Variants in TMEM114 observed in about 807,000 individuals in gnomAD.
The protein encoded by TMEM114 is transmembrane protein 114.
In TMEM114, 6 loss-of-function variants were observed where a neutral mutation model predicts 6.2. That is an observed-to-expected ratio of 0.97 (90% CI 0.53 to 1.91). TMEM114 has a LOEUF of 1.91. Ranked by LOEUF, TMEM114 falls within the 40% of genes most tolerant of loss-of-function variation. The probability of loss-of-function intolerance (pLI) is 0.01; values close to 1 mark genes in which losing one functional copy is unlikely to be tolerated. For synonymous variants in TMEM114, 104 were observed against 73.0 expected, an observed-to-expected ratio of 1.42 and a Z score of -2.16; for missense variants, 218 against 158.3, an observed-to-expected ratio of 1.38 and a Z score of -2.02.
At chr16:8,536,804 C>T (rs1254289429), downstream of TMEM114, among the ~76,000 whole-genome samples, 4 of 152,108 alleles carry the variant, frequency 2.6e-5, no homozygotes, top group Admixed American at 1.3e-4. Context: ...TAATTATCCA[C>T]CCTTAGTCAG....
intron 2 of TMEM114, among the ~76,000 whole-genome samples, chr16:8,584,922 C>CAAAAAAAAAAAAAAAA (rs905674847): frequency 2.0e-5 from 1 of 49,202 alleles, no homozygotes; most frequent in African/African-American, 7.0e-5. Context: ...AACGCCGTCT[C>CAAAAAAAAAAAAAAAA]AAAAAAAAAA....
intron 2 of TMEM114, among the ~76,000 whole-genome samples, chr16:8,578,893 C>T (rs1410172406): frequency 1.3e-5 from 2 of 152,082 alleles, no homozygotes; most frequent in African/African-American, 2.4e-5. Context: ...GCAGGAGAAT[C>T]GCTTGAACCT....
At chr16:8,555,770 G>T (rs1192466397) in intron 2 of TMEM114, among the ~76,000 whole-genome samples, 1 of 152,186 alleles carries the variant, frequency 6.6e-6, no homozygotes, top group African/African-American at 2.4e-5. Flanking sequence ...GCAAAGGGGG[G>T]ATGCAGTTGG....
At chr16:8,541,896 C>T (rs755370318) in intron 2 of TMEM114, among the ~76,000 whole-genome samples, 48 of 152,144 alleles carry the variant, frequency 3.2e-4, no homozygotes, top group Non-Finnish European at 6.3e-4. Flanking sequence ...AAAGACGTAG[C>T]ACAGGCTCCA....
downstream of TMEM114, among the ~76,000 whole-genome samples, chr16:8,534,374 A>C (rs541333765): frequency 6.6e-6 from 1 of 150,780 alleles, no homozygotes; most frequent in Admixed American, 6.6e-5. Flanking sequence ...GGAATTCTTC[A>C]TGTCCTTTAT....
downstream of TMEM114, among the ~76,000 whole-genome samples, chr16:8,565,353 G>C (rs370512004): frequency 2.0e-5 from 3 of 152,180 alleles, no homozygotes; most frequent in East Asian, 3.8e-4. Flanking sequence ...GGTGGCAAGT[G>C]AATAAATGAA....
At chr16:8,568,459 T>C (rs945514619), downstream of TMEM114, among the ~76,000 whole-genome samples, 20 of 151,870 alleles carry the variant, frequency 1.3e-4, no homozygotes, top group African/African-American at 4.6e-4. Context: ...GTGGTGATGA[T>C]GTCATGATGT....
intron 2 of TMEM114, among the ~76,000 whole-genome samples, chr16:8,542,096 G>C (rs985099568): frequency 2.0e-5 from 3 of 152,090 alleles, no homozygotes; most frequent in Non-Finnish European, 4.4e-5. Context: ...GGCTGGAGAA[G>C]TCATCCCCCA....
chr16:8,528,016 C>G, the TMEM114 span, among the ~76,000 whole-genome samples: 4 of 152,106 alleles, frequency 2.6e-5, no homozygotes, highest in African/African-American at 9.7e-5. Flanking sequence ...CAACTTTATT[C>G]TCCCGCCTCA....
chr16:8,553,115 T>A (rs1373780826), intron 2 of TMEM114, among the ~76,000 whole-genome samples: 1 of 152,168 alleles, frequency 6.6e-6, no homozygotes, highest in East Asian at 1.9e-4. Context: ...GAGGCCAGGA[T>A]GGAGATGACA....
rs949964282 is a variant in TMEM114, at chr16:8,589,833, C to A, written c.6G>T (p.Arg2=). ...CGCCGGCCAGCCCGCCCAGGTGCAC[C>A]CGCATCGCCGAGCCCAGGACCAGCA... M[R]VHLGGLAGAA... The change falls in exon 1 of 4, where the codon CGG becomes CGT. Residue 2 remains arginine (R), a synonymous_variant. Coordinates refer to ENST00000620492, the MANE Select transcript of TMEM114 (RefSeq NM_001146336.2). 2.5e-6 allele frequency: 1 copy of A among 397,980 alleles called. No individual in the cohort carries two copies. The highest frequency in any genetic ancestry group is 4.4e-6 in the Non-Finnish European group (1 of 225,742). The allele number at this position is 397,980 out of a possible 1,614,324, so 24.7% of individuals were successfully genotyped here.
chr16:8,539,920 C>T (rs916076298), intron 2 of TMEM114, among the ~76,000 whole-genome samples: 4 of 152,122 alleles, frequency 2.6e-5, no homozygotes, highest in African/African-American at 9.7e-5. Context: ...CAGATTCAAG[C>T]GATTCTCCTG....
At chr16:8,551,004 T>C (rs958027546) in intron 2 of TMEM114, among the ~76,000 whole-genome samples, 1 of 152,330 alleles carries the variant, frequency 6.6e-6, no homozygotes, top group East Asian at 1.9e-4. Flanking sequence ...GTTCTAACCC[T>C]AAACGAGTTC....
chr16:8,585,852 A>C (rs951849766), intron 2 of TMEM114, among the ~76,000 whole-genome samples: 1 of 152,188 alleles, frequency 6.6e-6, no homozygotes, highest in Non-Finnish European at 1.5e-5. Context: ...CATTTTGCAC[A>C]GGAGGGAACT....
downstream of TMEM114, among the ~76,000 whole-genome samples, chr16:8,536,201 G>C (rs1279003277): frequency 2.0e-5 from 3 of 151,244 alleles, no homozygotes; most frequent in African/African-American, 4.9e-5. Flanking sequence ...CTCCAGCCTG[G>C]GTGACAGAGC....
At chr16:8,558,002 C>G (rs944858833) in intron 2 of TMEM114, among the ~76,000 whole-genome samples, 2 of 152,108 alleles carry the variant, frequency 1.3e-5, no homozygotes, top group African/African-American at 2.4e-5. Flanking sequence ...ACCTGTAATC[C>G]CAGCACTTTG....
rs2141628880 is a variant in TMEM114 at position 8,589,213 on chromosome 16, T to C, written c.301A>G (p.Thr101Ala). The change falls in exon 2 of 4, where the codon ACC becomes GCC. Residue 101 changes from threonine (T) to alanine (A), a missense_variant and splice_region_variant. Physicochemically the swap from Thr to Ala is moderately conservative, Grantham distance 58. Transcript: ENST00000620492. The stretch of plus-strand genomic sequence containing the variant: ...CCATCCTCACCCTCCCCGGACTCAC[T>C]GAGAAGTTGCCGGCTCGATTCGCTG... Reference protein sequence around the residue: ...TVSESSRQLLTMHGTFVILLP... With the variant: ...TVSESSRQLLAMHGTFVILLP... The C allele has an allele frequency of 5.0e-6, 2 of 398,828 alleles. No homozygotes were observed. Among genetic ancestry groups the C allele is most frequent in the East Asian group, 3.6e-5 (1 of 28,080 alleles). The allele number at this position is 398,828 out of a possible 1,614,324, so 24.7% of individuals were successfully genotyped here. A position where few individuals can be genotyped will look rare whatever the true frequency, so the allele number is the denominator to read the frequency against.
chr16:8,577,853 C>A (rs1023319528), intron 2 of TMEM114, among the ~76,000 whole-genome samples: 1 of 152,138 alleles, frequency 6.6e-6, no homozygotes, highest in African/African-American at 2.4e-5. Context: ...TCCCAAAGTG[C>A]GGAGATTACA....
At chr16:8,570,143 C>A (rs1425407369) in intron 3 of TMEM114, 138 bp from the exon 4 acceptor site, 4 of 1,196,036 alleles carry the variant, frequency 3.3e-6, no homozygotes, top group Non-Finnish European at 4.6e-6. Context: ...TTTGCGCGTG[C>A]TAGTCTCCCC....
Sources: gnomAD v4.1 joint callset for allele counts (sites outside exome capture counted in the v4.1 genomes callset) on GRCh38, gnomAD v4.1.1 for gene constraint, MANE v1.5 for transcripts, NCBI Gene and HGNC (gene_info 2026-07-23, HGNC 2026-07-21) for gene names.